Variants in PCDHA8 observed in about 807,000 individuals in gnomAD.
The protein encoded by PCDHA8 is protocadherin alpha-8.
In PCDHA8, 53 loss-of-function variants were observed where a neutral mutation model predicts 61.8. The observed-to-expected ratio is 0.86, with a 90% CI of 0.69 to 1.08. The LOEUF is 1.08. Among genes scored for constraint, PCDHA8 ranks in the 50% least tolerant of loss-of-function variants. The pLI is 0.00. For synonymous variants in PCDHA8, 618 were observed against 556.6 expected, an observed-to-expected ratio of 1.11 and a Z score of -1.55; for missense variants, 1,293 against 1,245.0, an observed-to-expected ratio of 1.04 and a Z score of -0.58.
At chr5:140,983,170 G>A (rs1046143831) in intron 3 of PCDHA8, among the ~76,000 whole-genome samples, 1 of 152,136 alleles carries the variant, frequency 6.6e-6, no homozygotes, top group Non-Finnish European at 1.5e-5. Context: ...AAACATGACC[G>A]CCTCACAATT....
chr5:140,975,503 CT>C (rs1189456467), intron 1 of PCDHA8, among the ~76,000 whole-genome samples: 3 of 152,178 alleles, frequency 2.0e-5, no homozygotes, highest in Non-Finnish European at 4.4e-5. Flanking sequence ...TAAAATAGCA[CT>C]ATGCAAAATC....
At chr5:140,917,650 T>C (rs897307157) in intron 1 of PCDHA8, among the ~76,000 whole-genome samples, 1 of 152,226 alleles carries the variant, frequency 6.6e-6, no homozygotes. Context: ...CCAGCAATAT[T>C]GAGTAGGAAG....
At chr5:140,895,207 T>C (rs1392562241) in intron 1 of PCDHA8, among the ~76,000 whole-genome samples, 2 of 152,208 alleles carry the variant, frequency 1.3e-5, no homozygotes, top group Non-Finnish European at 2.9e-5. Context: ...TTTGCTTTTA[T>C]TTCTAATATT....
chr5:140,842,051 CAGTCTGAATACGAA>C lies in PCDHA8; in HGVS notation c.731_744del (p.Gln244ArgfsTer20), dbSNP rs1777673706. The C allele has an allele frequency of 6.2e-7, 1 of 1,613,852 alleles. No individual in the cohort carries two copies. Among genetic ancestry groups the C allele is most frequent in the African/African-American group, 1.3e-5 (1 of 74,962 alleles). On this transcript the variant is annotated frameshift_variant, in exon 1 of 4. Transcript: ENST00000531613. LOFTEE classifies it high-confidence loss of function. ...GAATGATAATGCTCCCACTTTCGAACAGTCTGAATACGAAGTAAGAATATTCGAAAACGCAGACA... is the reference window on the plus strand; with the variant it reads ...GAATGATAATGCTCCCACTTTCGAACGTAAGAATATTCGAAAACGCAGACA...
At chr5:140,858,089 G>T in intron 1 of PCDHA8, 2 of 1,597,872 alleles carry the variant, frequency 1.3e-6, no homozygotes, top group East Asian at 2.2e-5. Flanking sequence ...CTCGTCGCGG[G>T]CTTCAGTGGG....
At chr5:140,913,451 T>G (rs1201347326) in intron 1 of PCDHA8, among the ~76,000 whole-genome samples, 1 of 152,160 alleles carries the variant, frequency 6.6e-6, no homozygotes, top group East Asian at 1.9e-4. Context: ...CAGCTCCGAT[T>G]TTATTTACTT....
chr5:140,871,467 G>A (rs782618131), intron 1 of PCDHA8: 18 of 1,602,610 alleles, frequency 1.1e-5, no homozygotes, highest in Non-Finnish European at 1.3e-5. Context: ...GGGAAAGACA[G>A]GAGCCAGGGT....
At chr5:140,993,462 TCACACACACACACACACACACA>T (rs3836747) in intron 3 of PCDHA8, among the ~76,000 whole-genome samples, 6 of 141,044 alleles carry the variant, frequency 4.3e-5, no homozygotes, top group East Asian at 4.2e-4. Context: ...TCTTTCTTTC[TCACACACACACACACACACACA>T]CACACACACA....
intron 3 of PCDHA8, among the ~76,000 whole-genome samples, chr5:141,002,081 G>T (rs1016567220): frequency 3.3e-5 from 5 of 152,220 alleles, no homozygotes; most frequent in South Asian, 2.1e-4. Flanking sequence ...GCCAAAGAAC[G>T]AGCAGTCCAG....
chr5:140,959,293 C>G (rs1554223990), intron 1 of PCDHA8, among the ~76,000 whole-genome samples: 1 of 152,088 alleles, frequency 6.6e-6, no homozygotes, highest in African/African-American at 2.4e-5. Context: ...GGGAGCATCA[C>G]TGAGCCCGGT....
At chr5:140,993,227 C>T (rs1464075096) in intron 3 of PCDHA8, among the ~76,000 whole-genome samples, 1 of 152,084 alleles carries the variant, frequency 6.6e-6, no homozygotes, top group African/African-American at 2.4e-5. Context: ...TTGGTATGTT[C>T]TCTCTGAATC....
At chr5:140,900,477 A>G (rs2068076560) in intron 1 of PCDHA8, among the ~76,000 whole-genome samples, 1 of 152,290 alleles carries the variant, frequency 6.6e-6, no homozygotes, top group Non-Finnish European at 1.5e-5. Flanking sequence ...GAGTTTCTCC[A>G]TGTTGGTCAG....
chr5:140,918,786 A>T (rs2078853629), intron 1 of PCDHA8, among the ~76,000 whole-genome samples: 1 of 147,002 alleles, frequency 6.8e-6, no homozygotes, highest in African/African-American at 2.6e-5. Context: ...ATGTGAGGAC[A>T]CAGCAAAAAT....
At chr5:140,880,796 T>C (rs538689350) in intron 1 of PCDHA8, among the ~76,000 whole-genome samples, 4 of 152,180 alleles carry the variant, frequency 2.6e-5, no homozygotes, top group Non-Finnish European at 5.9e-5. Context: ...GTAATATAAA[T>C]AGGTGAATGA....
At chr5:140,894,957 T>C (rs530563833) in intron 1 of PCDHA8, among the ~76,000 whole-genome samples, 1 of 152,206 alleles carries the variant, frequency 6.6e-6, no homozygotes, top group African/African-American at 2.4e-5. Flanking sequence ...ATGATAAAAA[T>C]ATAATTTTTT....
In PCDHA8 at chr5:140,967,246, G is replaced by T. The variant is rs569213693; in HGVS notation, c.2395-11703G>T. On this transcript the variant is annotated intron_variant, in intron 1 of 3. Coordinates refer to ENST00000531613, the MANE Select transcript of PCDHA8 (RefSeq NM_018911.3). ...ACTACCAGCTTCAGGTAAGCGAATCGGTGGCGCCTGGAGCGCGCTTTCACA... is the reference window on the plus strand; with the variant it reads ...ACTACCAGCTTCAGGTAAGCGAATCTGTGGCGCCTGGAGCGCGCTTTCACA... The T allele has an allele frequency of 9.6e-5, 155 of 1,613,594 alleles. 2 individuals carry two copies. In the South Asian group the frequency reaches 1.4e-3, roughly 15 times the overall value.
intron 1 of PCDHA8, chr5:140,875,924 A>C (rs782181544): frequency 6.2e-7 from 1 of 1,614,054 alleles, no homozygotes; most frequent in Non-Finnish European, 8.5e-7. Context: ...CTGGACTCTC[A>C]TTTTCCTCTA....
At chr5:140,865,367 A>G (rs1392735028) in intron 1 of PCDHA8, 1 of 152,348 alleles carries the variant, frequency 6.6e-6, no homozygotes, top group Middle Eastern at 3.4e-3. Flanking sequence ...CAGGATAACC[A>G]TGTTATAGGT....
rs782527785 is a variant in PCDHA8, at chr5:140,882,593, A to C, written c.2394+38878A>C. 1.9e-6 allele frequency: 3 copies of C among 1,614,126 alleles called. No homozygotes were observed. In the African/African-American group the frequency reaches 4.0e-5, roughly 22 times the overall value. On this transcript the variant is annotated intron_variant, in intron 1 of 3. Coordinates refer to ENST00000531613, the MANE Select transcript of PCDHA8 (RefSeq NM_018911.3). ...GGAGTGCAGCATCCACCTGGAGGTG[A>C]TCGTGGACAGGCCTCTGCAGGTTTT...
Sources: gnomAD v4.1 joint callset for allele counts (sites outside exome capture counted in the v4.1 genomes callset) on GRCh38, gnomAD v4.1.1 for gene constraint, MANE v1.5 for transcripts, NCBI Gene and HGNC (gene_info 2026-07-23, HGNC 2026-07-21) for gene names.